The following KIAA1328 variants were observed in gnomAD, a reference collection of about 807,000 sequenced individuals.
KIAA1328 encodes protein hinderin.
KIAA1328 carries 52 observed loss-of-function variants against 68.1 expected under a neutral mutation model. The ratio of observed to expected loss-of-function variants is 0.76; its 90% CI spans 0.61 to 0.96. The LOEUF (loss-of-function observed/expected upper bound fraction) is 0.96. KIAA1328 is among the 40% of genes least tolerant of loss of function. KIAA1328 has a pLI of 0.00. For missense variants in KIAA1328, 641 were observed against 677.6 expected, an observed-to-expected ratio of 0.95 and a Z score of 0.60; for synonymous variants, 232 against 239.4, an observed-to-expected ratio of 0.97 and a Z score of 0.28.
chr18:37,021,500 A>T (rs2054344936), intron 6 of KIAA1328, among the ~76,000 whole-genome samples: 1 of 152,214 alleles, frequency 6.6e-6, no homozygotes, highest in African/African-American at 2.4e-5. Flanking sequence ...CCCTTAGCAC[A>T]ACAACCAAAT....
intron 6 of KIAA1328, among the ~76,000 whole-genome samples, chr18:37,059,949 A>G (rs1294739664): frequency 6.6e-6 from 1 of 151,948 alleles, no homozygotes; most frequent in Non-Finnish European, 1.5e-5. Context: ...ACAGAAAACC[A>G]AACACTACAT....
intron 4 of KIAA1328, among the ~76,000 whole-genome samples, chr18:36,846,883 A>C (rs534389317): frequency 2.5e-4 from 38 of 151,606 alleles, no homozygotes; most frequent in African/African-American, 8.4e-4. Context: ...ATCCATCTCC[A>C]GAACTTTTTT....
intron 8 of KIAA1328, among the ~76,000 whole-genome samples, chr18:37,163,960 C>G (rs1438675787): frequency 6.6e-6 from 1 of 152,124 alleles, no homozygotes; most frequent in Non-Finnish European, 1.5e-5. Context: ...AGAATAAATT[C>G]TCCTGGCTAG....
At position 37,225,150 on chromosome 18, in the gene KIAA1328, C is replaced by G. The variant is rs1055275209; in HGVS notation, c.*2923C>G. On this transcript the variant is annotated 3_prime_UTR_variant, in exon 10 of 10. Coordinates refer to ENST00000280020, the MANE Select transcript of KIAA1328 (RefSeq NM_020776.3). ...AATAGAGATCTTCTGGCCAGAGAAT[C>G]AGGGGAGAGGAGAGGCCTGATGGGG... is the stretch of plus-strand genomic sequence containing the variant. 2 of 985,008 alleles carry G rather than the reference C, an allele frequency of 2.0e-6. No individual in the cohort carries two copies. The highest frequency in any genetic ancestry group is 2.4e-6 in the Non-Finnish European group (2 of 829,710). 61.0% of individuals were successfully genotyped at this position (985,008 alleles called of 1,614,324 possible).
chr18:36,973,822 C>CACACAT (rs1568237664), intron 6 of KIAA1328, among the ~76,000 whole-genome samples: 3 of 113,058 alleles, frequency 2.7e-5, no homozygotes, highest in African/African-American at 1.1e-4. Context: ...TACACACACA[C>CACACAT]ACACACATAC....
chr18:37,216,378 T>C (rs995468470), intron 9 of KIAA1328, among the ~76,000 whole-genome samples: 2 of 152,244 alleles, frequency 1.3e-5, no homozygotes, highest in Non-Finnish European at 2.9e-5. Context: ...AGAACATCTT[T>C]CTTTCTGCCT....
chr18:37,014,360 TTTTG>T (rs2054078214), intron 6 of KIAA1328, among the ~76,000 whole-genome samples: 1 of 152,190 alleles, frequency 6.6e-6, no homozygotes, highest in Non-Finnish European at 1.5e-5. Context: ...AACTTTTGAT[TTTTG>T]TTTTTGTTGA....
chr18:37,139,000 A>G (rs995102760), intron 7 of KIAA1328, among the ~76,000 whole-genome samples: 2 of 118,506 alleles, frequency 1.7e-5, no homozygotes, highest in African/African-American at 6.8e-5. Flanking sequence ...TGTGTCGCCC[A>G]GGCTGGAGTG....
At chr18:36,851,798 A>G (rs2047219817) in intron 4 of KIAA1328, among the ~76,000 whole-genome samples, 1 of 141,448 alleles carries the variant, frequency 7.1e-6, no homozygotes, top group South Asian at 2.3e-4. Context: ...TCTTTATTCT[A>G]ATATTTATTT....
intron 6 of KIAA1328, among the ~76,000 whole-genome samples, chr18:36,985,599 G>A: frequency 6.6e-6 from 1 of 152,044 alleles, no homozygotes; most frequent in Non-Finnish European, 1.5e-5. Context: ...TTCAACGGAG[G>A]AAGAATATTC....
At chr18:36,893,463 T>TG (rs1568132397) in intron 5 of KIAA1328, among the ~76,000 whole-genome samples, 14 of 92,546 alleles carry the variant, frequency 1.5e-4, no homozygotes, top group African/African-American at 4.2e-4. Flanking sequence ...GTGTGTGTGT[T>TG]TTTGTGTGTG....
intron 5 of KIAA1328, among the ~76,000 whole-genome samples, chr18:36,922,060 CT>C (rs879414277): frequency 0.014 from 2,064 of 145,282 alleles, 28 homozygotes; most frequent in African/African-American, 0.035. Context: ...CCAGAGAATA[CT>C]TTTTTTTTTT....
chr18:37,011,133 C>T (rs934133662), intron 6 of KIAA1328, among the ~76,000 whole-genome samples: 1 of 152,058 alleles, frequency 6.6e-6, no homozygotes, highest in Non-Finnish European at 1.5e-5. Context: ...AATCTTTTCC[C>T]TTGCTATTAT....
intron 9 of KIAA1328, among the ~76,000 whole-genome samples, chr18:37,210,261 G>A (rs1162099290): frequency 1.3e-5 from 2 of 152,150 alleles, no homozygotes; most frequent in Admixed American, 6.5e-5. Flanking sequence ...TCTGGATTTT[G>A]TCTTGTTATC....
At chr18:36,939,308 T>C (rs1460386775) in intron 5 of KIAA1328, among the ~76,000 whole-genome samples, 1 of 152,172 alleles carries the variant, frequency 6.6e-6, no homozygotes, top group African/African-American at 2.4e-5. Context: ...TTTCACCTTC[T>C]TGGTTAAATT....
chr18:36,876,365 C>G (rs2048126788), intron 4 of KIAA1328, among the ~76,000 whole-genome samples: 1 of 151,994 alleles, frequency 6.6e-6, no homozygotes, highest in Admixed American at 6.6e-5. Context: ...TGCTATTGGT[C>G]TGTTCAGGGA....
Position 36,908,105 on chromosome 18 carries a change from G to A in KIAA1328, c.448+22433G>A, listed in dbSNP as rs977505597. ...ATTTAAGAATTAACTGAATTGGCTC[G>A]TTAAATTATATCAGTTTTAACTAAC... On this transcript the variant is annotated intron_variant, in intron 5 of 9. Transcript: ENST00000280020. 6.6e-5 allele frequency among the ~76,000 whole-genome samples: 10 copies of A among 152,132 alleles called. No individual in the cohort carries two copies. The South Asian group carries it at 1.2e-3, about 19-fold the overall frequency.
At chr18:36,833,706 TATAATC>T (rs2046576804) in intron 1 of KIAA1328, among the ~76,000 whole-genome samples, 1 of 152,242 alleles carries the variant, frequency 6.6e-6, no homozygotes, top group African/African-American at 2.4e-5. Context: ...AACAGTGTGT[TATAATC>T]ATAGCCTTTC....
downstream of KIAA1328, chr18:37,225,366 A>G (rs1259178326): frequency 4.2e-6 from 4 of 944,192 alleles, no homozygotes; most frequent in African/African-American, 1.8e-5. Context: ...TCCCTTGAAC[A>G]TCCCTCATCA....
Sources: gnomAD v4.1 joint callset for allele counts (sites outside exome capture counted in the v4.1 genomes callset) on GRCh38, gnomAD v4.1.1 for gene constraint, MANE v1.5 for transcripts, NCBI Gene and HGNC (gene_info 2026-07-23, HGNC 2026-07-21) for gene names.